EEPD1: variants seen among roughly 807,000 people sequenced by gnomAD.
EEPD1 encodes endonuclease/exonuclease/phosphatase family domain-containing protein 1.
Under a neutral mutation model 46.3 loss-of-function variants are expected in EEPD1, and 17 were observed. That is an observed-to-expected ratio of 0.37 (90% CI 0.25 to 0.55). The LOEUF is 0.55. EEPD1 is among the 20% of genes least tolerant of loss of function. The pLI is 0.83. For missense variants in EEPD1, 673 were observed against 745.6 expected (o/e 0.90, Z 1.13); for synonymous variants, 313 against 315.6 (o/e 0.99, Z 0.09).
chr7:36,195,793 TATTA>T (rs1455348188), intron 2 of EEPD1, among the ~76,000 whole-genome samples: 1 of 152,228 alleles, frequency 6.6e-6, no homozygotes, highest in East Asian at 1.9e-4. Context: ...GAGATGTGCA[TATTA>T]ATTCATTTGA....
chr7:36,248,090 C>A (rs760562656), intron 3 of EEPD1, among the ~76,000 whole-genome samples: 1 of 152,108 alleles, frequency 6.6e-6, no homozygotes, highest in Non-Finnish European at 1.5e-5. Flanking sequence ...GTTATGGGAG[C>A]CATGAGGACA....
chr7:36,184,377 T>C (rs1283239339), intron 2 of EEPD1, among the ~76,000 whole-genome samples: 2 of 152,230 alleles, frequency 1.3e-5, no homozygotes, highest in Non-Finnish European at 2.9e-5. Context: ...CAGAGTACTG[T>C]TGTGTTTTGA....
rs991607051 is a variant in EEPD1 at position 36,193,990 on chromosome 7, C to G, written c.878+38788C>G. Among the ~76,000 whole-genome samples the G allele has an allele frequency of 6.6e-6, 1 of 152,142 alleles. No homozygotes were observed. Among genetic ancestry groups the G allele is most frequent in the Non-Finnish European group, 1.5e-5 (1 of 68,018 alleles). On this transcript the variant is annotated intron_variant, in intron 2 of 7. Transcript: ENST00000242108. The surrounding 1 kb of genome is among the most constrained non-coding windows in gnomAD (Gnocchi z 4.9). ...GGTCCCCACCAGTCCCAGGACTTGC[C>G]GGTTCTGGGTTTATTTTGTGTGGTC...
At chr7:36,185,452 C>A (rs1785347946) in intron 2 of EEPD1, among the ~76,000 whole-genome samples, 1 of 152,184 alleles carries the variant, frequency 6.6e-6, no homozygotes, top group Non-Finnish European at 1.5e-5. Flanking sequence ...AGCAGTGCTG[C>A]TTTTAACATT....
rs558578459 is a variant in EEPD1 at position 36,202,540 on chromosome 7, T to C, written c.879-36445T>C. ...CTGGCATCCAGGCTCTGCGAGGGTG[T>C]CCACAGGAAATGAACTGTACAGATT... On this transcript the variant is annotated intron_variant, in intron 2 of 7. Coordinates refer to ENST00000242108, the MANE Select transcript of EEPD1 (RefSeq NM_030636.3). Among the ~76,000 whole-genome samples, 92 of 152,120 alleles carry C rather than the reference T, an allele frequency of 6.0e-4. 1 individual carries two copies. The highest frequency in any genetic ancestry group is 1.2e-3 in the Non-Finnish European group (82 of 68,028).
At chr7:36,249,015 A>ACACACACACACACACACACAC (rs1476742420) in intron 3 of EEPD1, among the ~76,000 whole-genome samples, 6 of 151,544 alleles carry the variant, frequency 4.0e-5, no homozygotes, top group African/African-American at 1.5e-4. Flanking sequence ...ACACACACAC[A>ACACACACACACACACACACAC]CACACACACA....
At chr7:36,191,662 A>T (rs1020133677) in intron 2 of EEPD1, among the ~76,000 whole-genome samples, 3 of 152,248 alleles carry the variant, frequency 2.0e-5, no homozygotes, top group African/African-American at 7.2e-5. Flanking sequence ...GGAATGATTC[A>T]GTGACGTGTT....
chr7:36,165,586 A>AATTAATTTATTTATTTATTT (rs147653968), intron 2 of EEPD1, among the ~76,000 whole-genome samples: 4 of 134,630 alleles, frequency 3.0e-5, no homozygotes, highest in Admixed American at 2.3e-4. Flanking sequence ...CGCCCCAGCT[A>AATTAATTTATTTATTTATTT]ATTTATTTAT....
chr7:36,154,320 G>A lies in EEPD1; in HGVS notation c.-5G>A, dbSNP rs1391223359. ...GCCTTCCCGGGAGCCTGATCCTGGC[G>A]GACCATGGGGAGCACCCTGGGCTGC... is the stretch of plus-strand genomic sequence containing the variant. On this transcript the variant is annotated 5_prime_UTR_variant, in exon 2 of 8. Coordinates refer to ENST00000242108, the MANE Select transcript of EEPD1 (RefSeq NM_030636.3). This position sits in a 1 kb window ranked among gnomAD's most constrained non-coding sequence, Gnocchi z 4.2. 6.2e-7 allele frequency: 1 copy of A among 1,604,652 alleles called. No homozygotes were observed. The highest frequency in any genetic ancestry group is 8.5e-7 in the Non-Finnish European group (1 of 1,178,098).
chr7:36,173,219 T>C (rs1260051732), intron 2 of EEPD1, among the ~76,000 whole-genome samples: 3 of 151,062 alleles, frequency 2.0e-5, no homozygotes, highest in African/African-American at 7.3e-5. Flanking sequence ...GATCTGATGG[T>C]TTAAAAGTGT....
At chr7:36,194,044 A>T (rs549394753) in intron 2 of EEPD1, among the ~76,000 whole-genome samples, 1 of 152,168 alleles carries the variant, frequency 6.6e-6, no homozygotes, top group Admixed American at 6.5e-5. Context: ...CGTTCTTTTC[A>T]TCACAGAAGA....
At position 36,193,920 on chromosome 7, in the gene EEPD1, A is replaced by G. The variant is rs1785528360; in HGVS notation, c.878+38718A>G. Among the ~76,000 whole-genome samples the G allele has an allele frequency of 6.6e-6, 1 of 152,076 alleles. No individual in the cohort carries two copies. Among genetic ancestry groups the G allele is most frequent in the African/African-American group, 2.4e-5 (1 of 41,392 alleles). ...GTGGACATAATGTGAGCATCTTGAG[A>G]GTTCAGGAGCCTCTTATCCCCATTT... On this transcript the variant is annotated intron_variant, in intron 2 of 7. Transcript: ENST00000242108. The surrounding 1 kb of genome is among the most constrained non-coding windows in gnomAD (Gnocchi z 4.9).
intron 2 of EEPD1, among the ~76,000 whole-genome samples, chr7:36,157,006 A>G (rs754996143): frequency 5.3e-5 from 8 of 152,198 alleles, no homozygotes; most frequent in Admixed American, 4.6e-4. Flanking sequence ...TCTATACTGA[A>G]CATGTCGAGT....
At chr7:36,169,013 G>A (rs1489344512) in intron 2 of EEPD1, among the ~76,000 whole-genome samples, 3 of 152,080 alleles carry the variant, frequency 2.0e-5, no homozygotes, top group African/African-American at 7.2e-5. Context: ...TGATGTTTTC[G>A]AGGTTTATCC....
intron 3 of EEPD1, among the ~76,000 whole-genome samples, chr7:36,257,307 G>A (rs560793387): frequency 2.2e-4 from 33 of 150,040 alleles, no homozygotes; most frequent in Non-Finnish European, 3.7e-4. Context: ...TCTCGGGGTC[G>A]CTCTTCTCAA....
intron 3 of EEPD1, among the ~76,000 whole-genome samples, chr7:36,273,790 C>T (rs1787146517): frequency 6.6e-6 from 1 of 152,162 alleles, no homozygotes; most frequent in Non-Finnish European, 1.5e-5. Flanking sequence ...TGTGCAGGGT[C>T]CCAGAGCTCC....
At chr7:36,254,439 C>T (rs1285471719) in intron 3 of EEPD1, among the ~76,000 whole-genome samples, 1 of 152,174 alleles carries the variant, frequency 6.6e-6, no homozygotes, top group African/African-American at 2.4e-5. Context: ...TCATCCATGT[C>T]CCTGCAAAGG....
At chr7:36,240,933 A>G (rs766153928) in intron 3 of EEPD1, among the ~76,000 whole-genome samples, 22 of 152,226 alleles carry the variant, frequency 1.4e-4, no homozygotes, top group Non-Finnish European at 2.5e-4. Flanking sequence ...ATAAAGGGGC[A>G]TGGTTATAAC....
intron 3 of EEPD1, among the ~76,000 whole-genome samples, chr7:36,265,968 G>A (rs1237774100): frequency 6.6e-6 from 1 of 152,162 alleles, no homozygotes; most frequent in African/African-American, 2.4e-5. Context: ...AGTAGGAAGT[G>A]CCAAGTGCAA....
Sources: allele counts gnomAD v4.1 joint callset (sites outside exome capture counted in the v4.1 genomes callset), GRCh38; gene constraint gnomAD v4.1.1; non-coding constraint Gnocchi (gnomAD v3.1); transcripts MANE v1.5; gene names NCBI Gene and HGNC (gene_info 2026-07-23, HGNC 2026-07-21).